The following CNTNAP4 variants were observed in gnomAD, a reference collection of about 807,000 sequenced individuals.
CNTNAP4 encodes contactin associated protein family member 4.
In CNTNAP4, 98 loss-of-function variants were observed where a neutral mutation model predicts 148.4. That is an observed-to-expected ratio of 0.66 (90% confidence interval 0.56 to 0.78). The LOEUF is 0.78. CNTNAP4 is among the 30% of genes least tolerant of loss of function. The pLI is 0.00. For synonymous variants in CNTNAP4, 730 were observed against 565.1 expected, an observed-to-expected ratio of 1.29 and a Z score of -4.14; for missense variants, 1,935 against 1,565.6, an observed-to-expected ratio of 1.24 and a Z score of -3.98.
intron 9 of CNTNAP4, among the ~76,000 whole-genome samples, chr16:76,464,145 C>A (rs1213431073): frequency 1.3e-5 from 2 of 152,280 alleles, no homozygotes; most frequent in East Asian, 3.9e-4. Flanking sequence ...CCTTGTACTT[C>A]CAGAACCAGG....
At chr16:76,371,055 T>G (rs2014762977) in intron 3 of CNTNAP4, among the ~76,000 whole-genome samples, 1 of 152,198 alleles carries the variant, frequency 6.6e-6, no homozygotes, top group Non-Finnish European at 1.5e-5. Flanking sequence ...TGCCACATAA[T>G]CGACACTGAG....
At position 76,316,442 on chromosome 16, in the gene CNTNAP4, T is replaced by C; in HGVS notation, c.115T>C (p.Leu39=). ...CTGTGATGATCCTCTTGTGTCTGCC[T>C]TGCCTCAGGCATCCTTCAGCAGTTC... is the stretch of plus-strand genomic sequence containing the variant. ...YDCDDPLVSA[L]PQASFSSSSE... is the part of the protein sequence containing the mutation. The change falls in exon 2 of 24, where the codon TTG becomes CTG. Residue 39 remains leucine, a synonymous_variant. Transcript: ENST00000611870. The C allele has an allele frequency of 6.2e-7, 1 of 1,613,884 alleles. No homozygotes were observed. The highest frequency in any genetic ancestry group is 8.5e-7 in the Non-Finnish European group (1 of 1,179,788).
chr16:76,399,528 T>C (rs2078328482), intron 3 of CNTNAP4, among the ~76,000 whole-genome samples: 1 of 152,152 alleles, frequency 6.6e-6, no homozygotes, highest in Non-Finnish European at 1.5e-5. Context: ...TCTTATGAGA[T>C]TTTTGGAACC....
At chr16:76,388,856 T>C (rs889107403) in intron 3 of CNTNAP4, among the ~76,000 whole-genome samples, 18 of 152,194 alleles carry the variant, frequency 1.2e-4, no homozygotes, top group African/African-American at 4.3e-4. Context: ...TACAAGTCTG[T>C]CCCAACATGC....
At position 76,334,918 on chromosome 16, in the gene CNTNAP4, G is replaced by A. The variant is rs550388828; in HGVS notation, c.196+18395G>A. ...AACCTTGATAGCTCATACTGTAGGA[G>A]CCATCAAGGCTAACCAGATGGAAAG... is the stretch of plus-strand genomic sequence containing the variant. On this transcript the variant is annotated intron_variant, in intron 2 of 23. Transcript: ENST00000611870. 3.9e-5 allele frequency among the ~76,000 whole-genome samples: 6 copies of A among 152,092 alleles called. No homozygotes were observed. The East Asian group carries it at 1.2e-3, about 30-fold the overall frequency.
At chr16:76,546,924 C>G (rs974085046) in intron 21 of CNTNAP4, among the ~76,000 whole-genome samples, 6 of 152,158 alleles carry the variant, frequency 3.9e-5, no homozygotes, top group African/African-American at 1.4e-4. Context: ...ATATCTGCTT[C>G]TAATGCTTGC....
At chr16:76,475,894 T>C (rs1393907118) in intron 10 of CNTNAP4, 45 bp from the exon 11 acceptor site, 4 of 1,352,994 alleles carry the variant, frequency 3.0e-6, no homozygotes, top group Admixed American at 3.4e-5. Flanking sequence ...TACTTTAAGA[T>C]ATCTAAAAAT....
chr16:76,520,114 G>A (rs1348192897), intron 15 of CNTNAP4, among the ~76,000 whole-genome samples: 1 of 152,160 alleles, frequency 6.6e-6, no homozygotes, highest in Non-Finnish European at 1.5e-5. Context: ...AGAGGCAGTT[G>A]CTTAAAACTA....
intron 23 of CNTNAP4, among the ~76,000 whole-genome samples, chr16:76,556,667 GT>G (rs2085211074): frequency 6.6e-6 from 1 of 152,136 alleles, no homozygotes; most frequent in Non-Finnish European, 1.5e-5. Context: ...CAATTCAACT[GT>G]TTATTTTTTC....
Position 76,416,774 on chromosome 16 carries a change from A to G in CNTNAP4, c.391-10678A>G, listed in dbSNP as rs76049548. ...AATAATAGTGATGTTCAGGTCTTCT[A>G]TATTCTTACTGCTTTCCTGCTTCCT... is the stretch of plus-strand genomic sequence containing the variant. On this transcript the variant is annotated intron_variant, in intron 3 of 23. Transcript: ENST00000611870. Among the ~76,000 whole-genome samples, 1,007 of 151,498 alleles carry G rather than the reference A, an allele frequency of 6.6e-3. 16 individuals are homozygous for G. The highest frequency in any genetic ancestry group is 0.023 in the African/African-American group (945 of 41,472).
intron 3 of CNTNAP4, among the ~76,000 whole-genome samples, chr16:76,414,653 C>T (rs1568068751): frequency 6.6e-6 from 1 of 151,264 alleles, no homozygotes; most frequent in Non-Finnish European, 1.5e-5. Flanking sequence ...ACATCGAGGC[C>T]TGCAATTTTC....
At chr16:76,454,575 C>T (rs2080648974) in intron 8 of CNTNAP4, among the ~76,000 whole-genome samples, 1 of 152,100 alleles carries the variant, frequency 6.6e-6, no homozygotes, top group African/African-American at 2.4e-5. Flanking sequence ...TTTAAAAACT[C>T]TCTCTACTCT....
intron 3 of CNTNAP4, among the ~76,000 whole-genome samples, chr16:76,410,895 G>A (rs1343195452): frequency 1.3e-5 from 2 of 151,450 alleles, no homozygotes; most frequent in Admixed American, 1.3e-4. Flanking sequence ...AGAGGTTACC[G>A]AGTTTCTCCC....
chr16:76,515,088 A>T (rs1372425927), intron 15 of CNTNAP4, among the ~76,000 whole-genome samples: 1 of 152,204 alleles, frequency 6.6e-6, no homozygotes, highest in Non-Finnish European at 1.5e-5. Flanking sequence ...AAATTGATAA[A>T]TGAGACTTTA....
Position 76,400,858 on chromosome 16 carries a change from G to T in CNTNAP4, c.391-26594G>T, listed in dbSNP as rs189907509. ...AAGATCAGGTGGTTGTAGGTATGCA[G>T]CCTTATTTCTGGGTACTCTGTTCTG... On this transcript the variant is annotated intron_variant, in intron 3 of 23. Transcript: ENST00000611870. 2.9e-4 allele frequency among the ~76,000 whole-genome samples: 44 copies of T among 152,164 alleles called. 1 individual carries two copies. The highest frequency in any genetic ancestry group is 1.5e-5 in the Non-Finnish European group (1 of 67,992).
chr16:76,540,824 G>A (rs1458400781), intron 21 of CNTNAP4, 34 bp downstream of exon 21: 2 of 1,427,024 alleles, frequency 1.4e-6, no homozygotes, highest in East Asian at 2.5e-5. Context: ...CCCTAACCAT[G>A]CTAATCATGA....
intron 18 of CNTNAP4, 102 bp from the exon 19 acceptor site, chr16:76,538,014 T>C: frequency 2.2e-6 from 1 of 446,772 alleles, no homozygotes. Flanking sequence ...GGTTCTTCTA[T>C]CTATGCAATT....
chr16:76,380,227 T>C (rs374155722), intron 3 of CNTNAP4, among the ~76,000 whole-genome samples: 1 of 152,192 alleles, frequency 6.6e-6, no homozygotes, highest in East Asian at 1.9e-4. Flanking sequence ...GGCTTTGTAG[T>C]AGCTAATATG....
At chr16:76,399,238 G>C (rs1349484999) in intron 3 of CNTNAP4, among the ~76,000 whole-genome samples, 1 of 152,052 alleles carries the variant, frequency 6.6e-6, no homozygotes, top group Admixed American at 6.6e-5. Context: ...TTTGCTAACT[G>C]TGTAGTCTTG....
Sources: gnomAD v4.1 joint callset for allele counts (sites outside exome capture counted in the v4.1 genomes callset) on GRCh38, gnomAD v4.1.1 for gene constraint, MANE v1.5 for transcripts, NCBI Gene and HGNC (gene_info 2026-07-23, HGNC 2026-07-21) for gene names.